Variants in FBRSL1 observed in about 807,000 individuals in gnomAD.
FBRSL1 encodes fibrosin-1-like protein.
FBRSL1 carries 51 observed loss-of-function variants against 89.6 expected under a neutral mutation model. That is an observed-to-expected ratio of 0.57 (90% confidence interval 0.45 to 0.72). The LOEUF is 0.72. FBRSL1 is among the 30% of genes least tolerant of loss of function. FBRSL1 has a pLI of 0.00. For missense variants in FBRSL1, 1,618 were observed against 1,451.8 expected, an observed-to-expected ratio of 1.11 and a Z score of -1.86; for synonymous variants, 779 against 681.1, an observed-to-expected ratio of 1.14 and a Z score of -2.24.
At chr12:132,554,341 G>A (rs2038436026) in intron 5 of FBRSL1, 1 of 152,246 alleles carries the variant, frequency 6.6e-6, no homozygotes. Flanking sequence ...AGGAGGCCCA[G>A]CTGGGGGCGT....
chr12:132,496,921 G>A (rs1438974870), intron 1 of FBRSL1, among the ~76,000 whole-genome samples: 1 of 152,252 alleles, frequency 6.6e-6, no homozygotes, highest in East Asian at 1.9e-4. Flanking sequence ...TTGTGCCGCT[G>A]CCCCGCGCTT....
chr12:132,579,086 C>G (rs1292686666), intron 15 of FBRSL1, among the ~76,000 whole-genome samples: 2 of 151,690 alleles, frequency 1.3e-5, no homozygotes, highest in Non-Finnish European at 2.9e-5. Flanking sequence ...TGGTGGCTGT[C>G]CCTCGGTGCT....
chr12:132,537,933 A>G (rs1566164759), intron 4 of FBRSL1, among the ~76,000 whole-genome samples: 1 of 152,078 alleles, frequency 6.6e-6, no homozygotes, highest in South Asian at 2.1e-4. Context: ...AGCTGGCCAC[A>G]CTCGTGTGCA....
At chr12:132,531,001 G>GC (rs1396678294) in intron 4 of FBRSL1, among the ~76,000 whole-genome samples, 21 of 150,696 alleles carry the variant, frequency 1.4e-4, no homozygotes, top group Non-Finnish European at 2.5e-4. Context: ...GTGTGGGGGG[G>GC]GGGGTGCAGG....
At position 132,581,998 on chromosome 12, in the gene FBRSL1, TCTC is replaced by T. The variant is rs1168074728; in HGVS notation, c.1997-61_1997-59del. On this transcript the variant is annotated intron_variant, in intron 17 of 18. Transcript: ENST00000680143. Reference sequence around the variant, plus strand: ...GACCCTTCTAAAACCCCTACCGGGTTCTCCTGGGGAGTGGCTGGGGAGCAGACA... The same window carrying T: ...GACCCTTCTAAAACCCCTACCGGGTTCTGGGGAGTGGCTGGGGAGCAGACA... 8 of 1,408,476 alleles carry T rather than the reference TCTC, an allele frequency of 5.7e-6. No homozygotes were observed. In the East Asian group the frequency reaches 7.5e-5, roughly 13 times the overall value. The allele number at this position is 1,408,476 out of a possible 1,614,324, so 87.2% of individuals were successfully genotyped here. A position where few individuals can be genotyped will look rare whatever the true frequency, so the allele number is the denominator to read the frequency against.
At chr12:132,556,709 A>C (rs1199947167) in intron 5 of FBRSL1, among the ~76,000 whole-genome samples, 22 of 33,590 alleles carry the variant, frequency 6.5e-4, no homozygotes, top group South Asian at 8.9e-4. Context: ...GCTGCCTCCA[A>C]CCCCTGTCCT....
intron 5 of FBRSL1, among the ~76,000 whole-genome samples, chr12:132,556,549 C>CAA (rs2038662742): frequency 1.3e-3 from 24 of 18,406 alleles, no homozygotes; most frequent in African/African-American, 1.9e-3. Context: ...TGCTGCACCC[C>CAA]CCTCCACCCA....
intron 15 of FBRSL1, 27 bp downstream of exon 15, chr12:132,576,958 G>A: frequency 6.5e-7 from 1 of 1,539,952 alleles, no homozygotes; most frequent in Non-Finnish European, 8.8e-7. Flanking sequence ...GCCAGGTGGG[G>A]GGCACAGAAA....
Position 132,583,125 on chromosome 12 carries a change from C to A in FBRSL1, c.2356C>A (p.Arg786Ser). The change falls in exon 19 of 19, where the codon CGC (arginine) becomes AGC (serine). Residue 786 changes from arginine to serine, a missense_variant. Arg to Ser is a moderately radical substitution (Grantham distance 110). Transcript: ENST00000680143. ...REAEPRVKES[R>S]SPAKEEAAKM... ...GGCCGAACCTCGGGTCAAGGAGAGC[C>A]GCTCCCCGGCCAAGGAGGAGGCCGC... The A allele has an allele frequency of 2.1e-6, 3 of 1,460,940 alleles. No individual in the cohort carries two copies. Among genetic ancestry groups the A allele is most frequent in the Non-Finnish European group, 2.7e-6 (3 of 1,110,458 alleles). The allele number at this position is 1,460,940 out of a possible 1,614,324, so 90.5% of individuals were successfully genotyped here.
At chr12:132,509,092 G>A in intron 2 of FBRSL1, 1 of 1,194,436 alleles carries the variant, frequency 8.4e-7, no homozygotes, top group Non-Finnish European at 1.0e-6. Context: ...CATGCCTCCT[G>A]GGCCCGGGCT....
At chr12:132,495,087 G>C (rs1259587194) in intron 1 of FBRSL1, among the ~76,000 whole-genome samples, 6 of 152,244 alleles carry the variant, frequency 3.9e-5, no homozygotes, top group African/African-American at 1.4e-4. Context: ...TTGGCCAAGG[G>C]GAGGGTACAG....
chr12:132,497,765 G>A (rs773543070), intron 1 of FBRSL1, among the ~76,000 whole-genome samples: 1 of 152,164 alleles, frequency 6.6e-6, no homozygotes, highest in African/African-American at 2.4e-5. Flanking sequence ...AGTGGCCCGG[G>A]GTCAGGCCCT....
At position 132,490,822 on chromosome 12, in the gene FBRSL1, C is replaced by T; in HGVS notation, c.252C>T (p.Gly84=). 1 of 1,411,540 alleles carries T rather than the reference C, an allele frequency of 7.1e-7. No homozygotes were observed. Among genetic ancestry groups the T allele is most frequent in the African/African-American group, 1.5e-5 (1 of 66,934 alleles). 87.4% of individuals were successfully genotyped at this position (1,411,540 alleles called of 1,614,324 possible). A position where few individuals can be genotyped will look rare whatever the true frequency, so the allele number is the denominator to read the frequency against. The change falls in exon 1 of 19, where the codon GGC becomes GGT. Residue 84 remains glycine (G), a synonymous_variant. Coordinates refer to ENST00000680143, the MANE Select transcript of FBRSL1 (RefSeq NM_001367871.1). ...CGCAGGAGGAGGAGGTCATCGACGGCTTCGCCATCGCCAGCTTCAGCACCC... is the reference window on the plus strand; with the variant it reads ...CGCAGGAGGAGGAGGTCATCGACGGTTTCGCCATCGCCAGCTTCAGCACCC... ...SSSQEEEVID[G]FAIASFSTLE...
chr12:132,583,479 C>A lies in FBRSL1; in HGVS notation c.2710C>A (p.Arg904Ser), dbSNP rs2040936350. The A allele has an allele frequency of 1.9e-6, 2 of 1,049,642 alleles. No individual in the cohort carries two copies. The highest frequency in any genetic ancestry group is 1.8e-5 in the African/African-American group (1 of 57,120). The allele number at this position is 1,049,642 out of a possible 1,614,324, so 65.0% of individuals were successfully genotyped here. The stretch of plus-strand genomic sequence containing the variant: ...CGAGCGCCTGCGCGGGGAGCTGGAG[C>A]GCGCGCGGGCCCCGCACCTGCCGCC... ...SPERLRGELE[R>S]ARAPHLPPAA... is the part of the protein sequence containing the mutation. Residue 904 changes from arginine to serine, a missense_variant, in exon 19 of 19, where the codon CGC becomes AGC. Physicochemically the swap from Arg to Ser is moderately radical, Grantham distance 110 (BLOSUM62 -1). Coordinates refer to ENST00000680143, the MANE Select transcript of FBRSL1 (RefSeq NM_001367871.1).
intron 5 of FBRSL1, chr12:132,566,350 T>C (rs1465302341): frequency 4.7e-5 from 7 of 149,806 alleles, no homozygotes; most frequent in Non-Finnish European, 7.4e-5. Context: ...GATTTAAACA[T>C]GTGAATTCTT....
chr12:132,555,768 C>T (rs902434042), intron 5 of FBRSL1, among the ~76,000 whole-genome samples: 6 of 152,200 alleles, frequency 3.9e-5, no homozygotes, highest in African/African-American at 1.4e-4. Context: ...TGTCTCTTCT[C>T]CTCAAAATGA....
At chr12:132,500,608 G>A (rs1259912418) in intron 1 of FBRSL1, among the ~76,000 whole-genome samples, 2 of 152,118 alleles carry the variant, frequency 1.3e-5, no homozygotes, top group Non-Finnish European at 1.5e-5. Context: ...TCCTGAATCC[G>A]ACCTCATCCA....
intron 2 of FBRSL1, chr12:132,509,460 G>C: frequency 8.1e-7 from 1 of 1,239,428 alleles, no homozygotes; most frequent in Non-Finnish European, 1.0e-6. Flanking sequence ...TCCATCCCCA[G>C]ATCAGCTCTG....
chr12:132,569,434 G>A (rs1227675166), intron 6 of FBRSL1, among the ~76,000 whole-genome samples: 1 of 152,124 alleles, frequency 6.6e-6, no homozygotes. Context: ...TACAGCTGTG[G>A]GCGCTGCTGT....
Sources: gnomAD v4.1 joint callset for allele counts (sites outside exome capture counted in the v4.1 genomes callset) on GRCh38, gnomAD v4.1.1 for gene constraint, MANE v1.5 for transcripts, NCBI Gene and HGNC (gene_info 2026-07-23, HGNC 2026-07-21) for gene names.